HP1BP3: variants seen among roughly 807,000 people sequenced by gnomAD.
HP1BP3 encodes the protein heterochromatin protein 1 binding protein 3.
Under a neutral mutation model 62.5 loss-of-function variants are expected in HP1BP3, and 12 were observed. The observed-to-expected ratio is 0.19, with a 90% CI of 0.12 to 0.31. HP1BP3 has a LOEUF of 0.31. HP1BP3 is among the 10% of genes least tolerant of loss of function. HP1BP3 has a pLI of 1.00. For synonymous variants in HP1BP3, 260 were observed against 237.8 expected (o/e 1.09, Z -0.86); for missense variants, 502 against 651.8 (o/e 0.77, Z 2.50).
chr1:20,746,229 T>C (rs1405264417), intron 11 of HP1BP3, among the ~76,000 whole-genome samples: 5 of 148,582 alleles, frequency 3.4e-5, no homozygotes, highest in Non-Finnish European at 7.5e-5. Context: ...TGTGTGTGTT[T>C]CTTGCCTTTT....
intron 8 of HP1BP3, among the ~76,000 whole-genome samples, chr1:20,759,810 G>C (rs749811141): frequency 1.3e-4 from 19 of 151,884 alleles, no homozygotes; most frequent in Non-Finnish European, 2.5e-4. Context: ...ACCAGTGAGA[G>C]AGTGAAGAGG....
At chr1:20,774,924 C>CA (rs2057234768) in intron 4 of HP1BP3, 1 of 150,474 alleles carries the variant, frequency 6.6e-6, no homozygotes, top group South Asian at 2.1e-4. Flanking sequence ...GTGGAGGTTG[C>CA]AGTGAGCCCA....
intron 9 of HP1BP3, among the ~76,000 whole-genome samples, chr1:20,752,187 G>C (rs564530943): frequency 6.6e-6 from 1 of 151,876 alleles, no homozygotes; most frequent in African/African-American, 2.4e-5. Flanking sequence ...GCTTGAACCC[G>C]GGAGGTGGAG....
intron 1 of HP1BP3, among the ~76,000 whole-genome samples, chr1:20,781,916 G>A (rs1473712472): frequency 2.6e-5 from 4 of 152,096 alleles, no homozygotes; most frequent in Non-Finnish European, 4.4e-5. Context: ...GTGACCCACC[G>A]CACCCGGCCC....
chr1:20,783,977 A>T lies in HP1BP3; in HGVS notation c.-101+3218T>A, dbSNP rs533020069. On this transcript the variant is annotated intron_variant, in intron 1 of 12. Transcript: ENST00000438032. ...ACACTGCCTTAACATCACTGTACCT[A>T]TGTTTTTTGTTTGTTTGTTTTAAGA... Among the ~76,000 whole-genome samples, 3 of 150,770 alleles carry T rather than the reference A, an allele frequency of 2.0e-5. No individual in the cohort carries two copies. In the East Asian group the frequency reaches 5.8e-4, roughly 29 times the overall value.
intron 8 of HP1BP3, among the ~76,000 whole-genome samples, chr1:20,758,908 C>G (rs2056294447): frequency 6.6e-6 from 1 of 152,060 alleles, no homozygotes; most frequent in Non-Finnish European, 1.5e-5. Flanking sequence ...CCGCTTCGGC[C>G]TCCCAAAGTG....
At chr1:20,760,160 TAC>T (rs2056382393) in intron 8 of HP1BP3, among the ~76,000 whole-genome samples, 1 of 152,138 alleles carries the variant, frequency 6.6e-6, no homozygotes, top group South Asian at 2.1e-4. Context: ...GTGCTGGGAT[TAC>T]AGACGTGAGC....
intron 2 of HP1BP3, 106 bp from the exon 3 acceptor site, chr1:20,780,017 G>T: frequency 1.3e-6 from 1 of 790,718 alleles, no homozygotes; most frequent in African/African-American, 1.7e-5. Flanking sequence ...TCTTCAAGTC[G>T]ACTCCAGGAT....
intron 9 of HP1BP3, among the ~76,000 whole-genome samples, chr1:20,750,816 C>CTT (rs767621434): frequency 0.12 from 14,393 of 116,424 alleles, 1,470 homozygotes; most frequent in East Asian, 0.32. Flanking sequence ...TATTTTCTCT[C>CTT]TTTTTTTTTT....
At chr1:20,767,168 TAGTC>T (rs1001074280) in intron 7 of HP1BP3, among the ~76,000 whole-genome samples, 11 of 151,748 alleles carry the variant, frequency 7.2e-5, no homozygotes, top group East Asian at 3.9e-4. Flanking sequence ...CAAAAAAAAT[TAGTC>T]AGGCACTGTG....
Position 20,745,582 on chromosome 1 carries a change from T to G in HP1BP3, c.1328A>C (p.Glu443Ala). ...CGGCTCTTCATCCTCAGAGTCTTCT[T>G]CTGATGACTCATCTTCATCTTCATC... is the stretch of plus-strand genomic sequence containing the variant. ...DEDEDEDESS[E>A]EDSEDEEPPP... The change falls in exon 12 of 13, where the codon GAA becomes GCA. Residue 443 changes from glutamate (E) to alanine (A), a missense_variant. Glu to Ala is a moderately radical substitution (Grantham distance 107). Transcript: ENST00000438032. The G allele has an allele frequency of 6.2e-7, 1 of 1,612,948 alleles. No individual in the cohort carries two copies. Among genetic ancestry groups the G allele is most frequent in the Non-Finnish European group, 8.5e-7 (1 of 1,178,872 alleles).
At chr1:20,746,605 A>G (rs1224149588) in intron 11 of HP1BP3, among the ~76,000 whole-genome samples, 2 of 152,192 alleles carry the variant, frequency 1.3e-5, no homozygotes. Flanking sequence ...GGTGATCAAT[A>G]TATTTTTTTG....
At chr1:20,777,355 AAGTATATGCT>A (rs2057349178) in intron 3 of HP1BP3, among the ~76,000 whole-genome samples, 1 of 152,170 alleles carries the variant, frequency 6.6e-6, no homozygotes, top group Non-Finnish European at 1.5e-5. Context: ...CTTCAAGCCA[AAGTATATGCT>A]TGAAGAATTT....
intron 11 of HP1BP3, among the ~76,000 whole-genome samples, chr1:20,746,185 T>A (rs927543959): frequency 1.4e-5 from 1 of 69,592 alleles, no homozygotes; most frequent in African/African-American, 5.8e-5. Context: ...TACATACATA[T>A]ATGTGTGTGT....
At chr1:20,779,721 A>AAC (rs1374911103) in intron 3 of HP1BP3, 91 bp downstream of exon 3, 14 of 826,272 alleles carry the variant, frequency 1.7e-5, no homozygotes, top group African/African-American at 3.7e-5. Context: ...GAAAAAAAAA[A>AAC]AAAAACAATT....
chr1:20,742,469 G>C lies in HP1BP3; in HGVS notation c.*2328C>G, dbSNP rs16824572. On this transcript the variant is annotated 3_prime_UTR_variant, in exon 13 of 13. Coordinates refer to ENST00000438032, the MANE Select transcript of HP1BP3 (RefSeq NM_001372052.1). ...ATACAAAATGATTTTTTAAACCTTT[G>C]ATTCATTAAGTAATTAGCATTCAAT... 5.2e-3 allele frequency among the ~76,000 whole-genome samples: 785 copies of C among 152,132 alleles called. 8 individuals are homozygous for C. Among genetic ancestry groups the C allele is most frequent in the African/African-American group, 0.018 (754 of 41,498 alleles).
At chr1:20,751,759 T>A (rs187561633) in intron 9 of HP1BP3, among the ~76,000 whole-genome samples, 2 of 149,616 alleles carry the variant, frequency 1.3e-5, no homozygotes, top group African/African-American at 4.9e-5. Flanking sequence ...AAAAAAAGTA[T>A]CATACAAAAG....
At chr1:20,749,205 T>A (rs1388144257) in intron 10 of HP1BP3, among the ~76,000 whole-genome samples, 2 of 152,210 alleles carry the variant, frequency 1.3e-5, no homozygotes, top group Admixed American at 6.5e-5. Context: ...CAACTTCTTA[T>A]AAGCAGATGC....
Position 20,750,503 on chromosome 1 carries a change from G to A in HP1BP3, c.982-621C>T, listed in dbSNP as rs189051260. On this transcript the variant is annotated intron_variant, in intron 9 of 12. Transcript: ENST00000438032. ...AATCATGCCACTGAACTCCAGCCTC[G>A]GCGACAGAGTAAGATTCTGTCTAAA... Among the ~76,000 whole-genome samples, 68 of 151,608 alleles carry A rather than the reference G, an allele frequency of 4.5e-4. 1 individual carries two copies. The highest frequency in any genetic ancestry group is 1.4e-3 in the African/African-American group (57 of 41,264).
Sources: gnomAD v4.1 joint callset for allele counts (sites outside exome capture counted in the v4.1 genomes callset) on GRCh38, gnomAD v4.1.1 for gene constraint, MANE v1.5 for transcripts, NCBI Gene and HGNC (gene_info 2026-07-23, HGNC 2026-07-21) for gene names.